The following NMU variants were observed in gnomAD, a reference collection of about 807,000 sequenced individuals.
The protein encoded by NMU is neuromedin-U.
A neutral mutation model predicts 35.4 loss-of-function variants in NMU; 29 were observed. That is an observed-to-expected ratio of 0.82 (90% CI 0.61 to 1.12). The LOEUF is 1.12. Ranked by LOEUF, NMU falls within the 50% of genes most tolerant of loss-of-function variation. The pLI, the probability that NMU is intolerant of heterozygous loss-of-function variation, is 0.00. For synonymous variants in NMU, 78 were observed against 81.3 expected (o/e 0.96, Z 0.22); for missense variants, 199 against 206.2 (o/e 0.97, Z 0.21).
At chr4:55,609,384 G>GAA (rs5858340) in intron 3 of NMU, among the ~76,000 whole-genome samples, 98 of 143,546 alleles carry the variant, frequency 6.8e-4, no homozygotes, top group African/African-American at 1.6e-3. Flanking sequence ...CTTCTAACCA[G>GAA]AAAAAAAAAA....
At chr4:55,618,593 TTC>T (rs1361087131) in intron 2 of NMU, among the ~76,000 whole-genome samples, 2 of 152,050 alleles carry the variant, frequency 1.3e-5, no homozygotes, top group Non-Finnish European at 2.9e-5. Flanking sequence ...TTTCTTGTCT[TTC>T]TTTCTTCTCC....
At chr4:55,630,649 G>A (rs7659330) in intron 1 of NMU, among the ~76,000 whole-genome samples, 189 bp from the exon 2 acceptor site, 140,575 of 152,254 alleles carry the variant, frequency 0.92, 65,602 homozygotes, top group East Asian at 1. Flanking sequence ...ATAACATTAC[G>A]AAGATATTAC....
chr4:55,624,035 G>T (rs76874900), intron 2 of NMU, among the ~76,000 whole-genome samples: 56,857 of 60,420 alleles, frequency 0.94, 26,973 homozygotes, highest in East Asian at 1. Context: ...GGATTAAAGA[G>T]TTAAATGTTA....
intron 2 of NMU, among the ~76,000 whole-genome samples, chr4:55,619,583 G>C (rs1458799040): frequency 1.4e-5 from 2 of 138,490 alleles, no homozygotes; most frequent in South Asian, 5.4e-4. Flanking sequence ...CAGCGAGGCT[G>C]GGGGAGGGGC....
Position 55,608,038 on chromosome 4 carries a change from T to C in NMU, c.280-572A>G, listed in dbSNP as rs374152478. Among the ~76,000 whole-genome samples the C allele has an allele frequency of 3.2e-4, 48 of 151,862 alleles. No individual in the cohort carries two copies. In the East Asian group the frequency reaches 8.0e-3, roughly 25 times the overall value. ...AATACAAAAAATTAGCCAGGCCTGG[T>C]GGGGCGAGCGCCTGTAGTCCCAGCT... On this transcript the variant is annotated intron_variant, in intron 4 of 9. Transcript: ENST00000264218.
In NMU at chr4:55,628,568, G is replaced by A. The variant is rs542284008; in HGVS notation, c.171+1834C>T. On this transcript the variant is annotated intron_variant, in intron 2 of 9. Transcript: ENST00000264218. The stretch of plus-strand genomic sequence containing the variant: ...GGCTGGAGTGCAGTGGTGCCATCTC[G>A]GCTCACTGCAACCTCCGCTTCCCAG... Among the ~76,000 whole-genome samples, 12 of 151,922 alleles carry A rather than the reference G, an allele frequency of 7.9e-5. No homozygotes were observed. The East Asian group carries it at 2.1e-3, about 27-fold the overall frequency.
intron 2 of NMU, among the ~76,000 whole-genome samples, chr4:55,617,811 C>G (rs1382909272): frequency 6.6e-6 from 1 of 152,192 alleles, no homozygotes; most frequent in Non-Finnish European, 1.5e-5. Flanking sequence ...CAGGGGAACA[C>G]TGTCCACCCA....
At chr4:55,605,138 T>A (rs538450489) in intron 7 of NMU, 137 bp downstream of exon 7, 7 of 733,028 alleles carry the variant, frequency 9.5e-6, no homozygotes, top group Non-Finnish European at 1.8e-5. Flanking sequence ...AAACAGATGC[T>A]CTTACATTGG....
At position 55,636,246 on chromosome 4, in the gene NMU, G is replaced by GCTGGTGCTCCAC; in HGVS notation, c.-66_-55dup. ...GGGACGCTGCGCTGCGCCACGCGTA[G>GCTGGTGCTCCAC]CTGGTGCTCCACCTGGTGCCCTGGC... is the stretch of plus-strand genomic sequence containing the variant. On this transcript the variant is annotated 5_prime_UTR_variant, in exon 1 of 10. Transcript: ENST00000264218. The surrounding 1 kb of genome is among the most constrained non-coding windows in gnomAD (Gnocchi z 4.0). 7.0e-7 allele frequency: 1 copy of GCTGGTGCTCCAC among 1,419,814 alleles called. No individual in the cohort carries two copies. The highest frequency in any genetic ancestry group is 9.1e-7 in the Non-Finnish European group (1 of 1,096,926). The allele number at this position is 1,419,814 out of a possible 1,614,324, so 88.0% of individuals were successfully genotyped here. A position where few individuals can be genotyped will look rare whatever the true frequency, so the allele number is the denominator to read the frequency against.
intron 1 of NMU, among the ~76,000 whole-genome samples, chr4:55,635,408 T>C (rs1234660803): frequency 6.6e-6 from 1 of 152,214 alleles, no homozygotes; most frequent in Non-Finnish European, 1.5e-5. Flanking sequence ...TCACTTGCTG[T>C]AGCTGTCGCA....
chr4:55,609,317 G>T, intron 3 of NMU, 138 bp from the exon 4 acceptor site: 3 of 682,888 alleles, frequency 4.4e-6, no homozygotes, highest in South Asian at 1.7e-5. Flanking sequence ...TATTAAAACT[G>T]TTGGAATCCT....
chr4:55,617,980 C>A (rs1169610405), intron 2 of NMU, among the ~76,000 whole-genome samples: 12 of 152,194 alleles, frequency 7.9e-5, no homozygotes, highest in Admixed American at 7.9e-4. Flanking sequence ...TCTTTGTTCT[C>A]ATTTCTTTGA....
chr4:55,606,473 A>T (rs967855524), intron 6 of NMU, among the ~76,000 whole-genome samples: 5 of 152,206 alleles, frequency 3.3e-5, no homozygotes, highest in African/African-American at 1.2e-4. Flanking sequence ...TAATAAGAAG[A>T]TCTTACGAAT....
chr4:55,605,227 C>G, intron 7 of NMU, 48 bp downstream of exon 7: 1 of 1,252,430 alleles, frequency 8.0e-7, no homozygotes, highest in Non-Finnish European at 1.2e-6. Context: ...ACAGAAAGGG[C>G]TGCCCCACAC....
chr4:55,609,666 G>A (rs1291530082), intron 3 of NMU, among the ~76,000 whole-genome samples: 1 of 152,160 alleles, frequency 6.6e-6, no homozygotes, highest in Non-Finnish European at 1.5e-5. Context: ...CCCATGCGTG[G>A]TGCACCTAAT....
At position 55,607,528 on chromosome 4, in the gene NMU, A is replaced by G. The variant is rs150650102; in HGVS notation, c.280-62T>C. The G allele has an allele frequency of 5.1e-6, 3 of 591,796 alleles. No individual in the cohort carries two copies. In the African/African-American group the frequency reaches 5.6e-5, roughly 11 times the overall value. 36.7% of individuals were successfully genotyped at this position (591,796 alleles called of 1,614,324 possible). On this transcript the variant is annotated intron_variant, in intron 4 of 9. Coordinates refer to ENST00000264218, the MANE Select transcript of NMU (RefSeq NM_006681.4). ...TGTAAAATTTTACTATCTTATATAC[A>G]GTAATTTTATAATGTTATAACACAT...
intron 3 of NMU, among the ~76,000 whole-genome samples, chr4:55,615,441 G>A (rs1426920447): frequency 6.6e-6 from 1 of 152,122 alleles, no homozygotes; most frequent in Non-Finnish European, 1.5e-5. Context: ...TAATTCTGGA[G>A]GCAATTATAG....
intron 2 of NMU, among the ~76,000 whole-genome samples, chr4:55,628,505 T>C (rs1734629224): frequency 1.3e-5 from 2 of 151,830 alleles, no homozygotes; most frequent in East Asian, 3.9e-4. Flanking sequence ...TTATTATTAT[T>C]ATTTATTTTT....
chr4:55,595,392 G>T lies in NMU; in HGVS notation c.*24C>A, dbSNP rs1187664787. The stretch of plus-strand genomic sequence containing the variant: ...ATTTTGTATTCCATAGCATTGCTCT[G>T]TGGAAAATTAGCTGGCATCCTGTAA... On this transcript the variant is annotated 3_prime_UTR_variant, in exon 10 of 10. Transcript: ENST00000264218. 1 of 152,030 alleles carries T rather than the reference G, an allele frequency of 6.6e-6. No homozygotes were observed. The highest frequency in any genetic ancestry group is 2.4e-5 in the African/African-American group (1 of 41,342). The allele number at this position is 152,030 out of a possible 1,614,324, so 9.4% of individuals were successfully genotyped here.
Sources: allele counts gnomAD v4.1 joint callset (sites outside exome capture counted in the v4.1 genomes callset), GRCh38; gene constraint gnomAD v4.1.1; non-coding constraint Gnocchi (gnomAD v3.1); transcripts MANE v1.5; gene names NCBI Gene and HGNC (gene_info 2026-07-23, HGNC 2026-07-21).